PTGFRN: variants seen among roughly 807,000 people sequenced by gnomAD.
The protein encoded by PTGFRN is prostaglandin F2 receptor inhibitor, also known as prostaglandin F2 receptor negative regulator.
A neutral mutation model predicts 83.2 loss-of-function variants in PTGFRN; 35 were observed. That is an observed-to-expected ratio of 0.42 (90% CI 0.32 to 0.56). PTGFRN has a LOEUF of 0.56. Ranked by LOEUF, PTGFRN falls within the 20% of genes least tolerant of loss-of-function variation. The probability of loss-of-function intolerance (pLI) is 0.11; values close to 1 mark genes in which losing one functional copy is unlikely to be tolerated. For missense variants in PTGFRN, 1,051 were observed against 1,179.5 expected (o/e 0.89, Z 1.60); for synonymous variants, 519 against 498.6 (o/e 1.04, Z -0.55).
Position 116,910,122 on chromosome 1 carries a change from A to G in PTGFRN, c.-82A>G. 1 of 1,434,050 alleles carries G rather than the reference A, an allele frequency of 7.0e-7. No individual in the cohort carries two copies. The highest frequency in any genetic ancestry group is 1.5e-5 in the African/African-American group (1 of 68,628). 88.8% of individuals were successfully genotyped at this position (1,434,050 alleles called of 1,614,324 possible). Reference sequence around the variant, plus strand: ...CCAGGCGGAGGAGCGCCGACTCTGGAGCAGCCGGAGCTGGAAGAGGAGGAG... The same window carrying G: ...CCAGGCGGAGGAGCGCCGACTCTGGGGCAGCCGGAGCTGGAAGAGGAGGAG... On this transcript the variant is annotated 5_prime_UTR_variant, in exon 1 of 9. Transcript: ENST00000393203.
intron 1 of PTGFRN, among the ~76,000 whole-genome samples, chr1:116,929,760 A>G (rs1239730565): frequency 6.6e-6 from 1 of 152,162 alleles, no homozygotes; most frequent in Non-Finnish European, 1.5e-5. Context: ...GTTTTCTTGC[A>G]GGCAGGGACT....
chr1:116,936,239 A>G (rs932669727), intron 1 of PTGFRN, among the ~76,000 whole-genome samples: 1 of 90,298 alleles, frequency 1.1e-5, no homozygotes, highest in East Asian at 5.8e-4. Context: ...ATTAGCTGTT[A>G]TTTAACAATA....
In PTGFRN at chr1:116,975,034, C is replaced by T. The variant is rs569471881; in HGVS notation, c.2167+711C>T. The stretch of plus-strand genomic sequence containing the variant: ...TTGGGTCACTCCCACCCTAATACTG[C>T]GCTTTTCCTATGGTCTTAGCAAACG... On this transcript the variant is annotated intron_variant, in intron 7 of 8. Coordinates refer to ENST00000393203, the MANE Select transcript of PTGFRN (RefSeq NM_020440.4). 8.5e-5 allele frequency among the ~76,000 whole-genome samples: 13 copies of T among 152,334 alleles called. No homozygotes were observed. In the East Asian group the frequency reaches 1.5e-3, roughly 18 times the overall value.
chr1:116,984,599 G>A (rs548179370), intron 7 of PTGFRN, 81 bp from the exon 8 acceptor site: 4 of 1,355,214 alleles, frequency 3.0e-6, no homozygotes, highest in South Asian at 2.7e-5. Flanking sequence ...TACGTAGTAA[G>A]GGCCTCATAC....
chr1:116,926,945 C>T (rs1048259828), intron 1 of PTGFRN, among the ~76,000 whole-genome samples: 5 of 152,060 alleles, frequency 3.3e-5, no homozygotes, highest in Non-Finnish European at 7.4e-5. Flanking sequence ...CAAGTTGAAG[C>T]GTGAAGAGGA....
intron 1 of PTGFRN, among the ~76,000 whole-genome samples, chr1:116,914,713 C>T (rs1275491206): frequency 6.6e-6 from 1 of 151,424 alleles, no homozygotes; most frequent in Non-Finnish European, 1.5e-5. Context: ...GTGATCGCAC[C>T]ACTGCACTCC....
intron 1 of PTGFRN, among the ~76,000 whole-genome samples, chr1:116,910,533 G>T (rs925904948): frequency 6.6e-6 from 1 of 152,028 alleles, no homozygotes; most frequent in African/African-American, 2.4e-5. Flanking sequence ...GTGGCCCGGG[G>T]CCGTCTTTCC....
intron 3 of PTGFRN, among the ~76,000 whole-genome samples, chr1:116,948,280 A>C (rs1306816308): frequency 1.3e-5 from 2 of 152,220 alleles, no homozygotes; most frequent in Non-Finnish European, 2.9e-5. Context: ...TTTCCATGTG[A>C]AAGCTTTGAC....
chr1:116,934,129 TTTGTTTTGTTTTTGTGA>T (rs1479632692), intron 1 of PTGFRN, among the ~76,000 whole-genome samples: 2 of 152,116 alleles, frequency 1.3e-5, no homozygotes, highest in African/African-American at 4.8e-5. Flanking sequence ...TTTGTTTTAT[TTTGTTTTGTTTTTGTGA>T]TTGTTTTGTT....
intron 1 of PTGFRN, among the ~76,000 whole-genome samples, chr1:116,914,857 C>T (rs367931729): frequency 2.9e-5 from 3 of 102,634 alleles, no homozygotes; most frequent in Non-Finnish European, 2.7e-5. Flanking sequence ...GTTTTTTTTT[C>T]CTCATAGCTT....
At position 116,923,390 on chromosome 1, in the gene PTGFRN, T is replaced by A. The variant is rs148490450; in HGVS notation, c.49+13138T>A. Among the ~76,000 whole-genome samples, 54 of 152,302 alleles carry A rather than the reference T, an allele frequency of 3.5e-4. No homozygotes were observed. The East Asian group carries it at 8.9e-3, about 25-fold the overall frequency. On this transcript the variant is annotated intron_variant, in intron 1 of 8. Coordinates refer to ENST00000393203, the MANE Select transcript of PTGFRN (RefSeq NM_020440.4). This position sits in a 1 kb window ranked among gnomAD's most constrained non-coding sequence, Gnocchi z 4.0. The stretch of plus-strand genomic sequence containing the variant: ...TGTGACTTCATTTCTAAGACAGGTT[T>A]TTGTGGTAGAGTAGGAAAAAATGAA...
At position 116,961,796 on chromosome 1, in the gene PTGFRN, C is replaced by A; in HGVS notation, c.1639+128C>A. The A allele has an allele frequency of 3.2e-6, 3 of 928,188 alleles. No homozygotes were observed. Among genetic ancestry groups the A allele is most frequent in the Non-Finnish European group, 4.8e-6 (3 of 631,086 alleles). The allele number at this position is 928,188 out of a possible 1,614,324, so 57.5% of individuals were successfully genotyped here. On this transcript the variant is annotated intron_variant, in intron 5 of 8. Transcript: ENST00000393203. The surrounding 1 kb of genome is among the most constrained non-coding windows in gnomAD (Gnocchi z 5.4). ...AGGAATGTGTGTCCTGGACATTGAT[C>A]GCCATGCGACCCGTTGCACATGCTC...
chr1:116,943,466 T>C (rs1321175235), intron 2 of PTGFRN, among the ~76,000 whole-genome samples: 3 of 152,212 alleles, frequency 2.0e-5, no homozygotes, highest in Non-Finnish European at 4.4e-5. Context: ...CTGCTGTCTT[T>C]GGAAGGCAGG....
intron 1 of PTGFRN, among the ~76,000 whole-genome samples, chr1:116,922,126 G>A (rs763115464): frequency 1.3e-5 from 2 of 152,108 alleles, no homozygotes; most frequent in African/African-American, 2.4e-5. Context: ...CATCACCAGC[G>A]CCCACAGAGC....
At chr1:116,972,333 T>G (rs2101083817) in intron 6 of PTGFRN, among the ~76,000 whole-genome samples, 1 of 152,328 alleles carries the variant, frequency 6.6e-6, no homozygotes, top group Non-Finnish European at 1.5e-5. Context: ...GTTCCCTGAA[T>G]AATCAGAACT....
At position 116,944,553 on chromosome 1, in the gene PTGFRN, C is replaced by A. The variant is rs1205117884; in HGVS notation, c.419-126C>A. Reference sequence around the variant, plus strand: ...TTACAGATGAATCCAGTTGGGAAAACGTGCCCATCCGGGTCTTGGAATGGG... The same window carrying A: ...TTACAGATGAATCCAGTTGGGAAAAAGTGCCCATCCGGGTCTTGGAATGGG... On this transcript the variant is annotated intron_variant, in intron 2 of 8. Coordinates refer to ENST00000393203, the MANE Select transcript of PTGFRN (RefSeq NM_020440.4). 5.2e-6 allele frequency: 5 copies of A among 964,148 alleles called. No homozygotes were observed. In the East Asian group the frequency reaches 1.7e-4, roughly 33 times the overall value. The allele number at this position is 964,148 out of a possible 1,614,324, so 59.7% of individuals were successfully genotyped here.
Position 116,909,975 on chromosome 1 carries a change from G to C in PTGFRN, c.-229G>C, listed in dbSNP as rs1230810516. The C allele has an allele frequency of 3.5e-6, 2 of 566,646 alleles. No homozygotes were observed. The highest frequency in any genetic ancestry group is 3.1e-6 in the Non-Finnish European group (1 of 321,208). 35.1% of individuals were successfully genotyped at this position (566,646 alleles called of 1,614,324 possible). On this transcript the variant is annotated 5_prime_UTR_variant, in exon 1 of 9. Coordinates refer to ENST00000393203, the MANE Select transcript of PTGFRN (RefSeq NM_020440.4). ...ACTCGGATCGGCGGGGCCGGCTCCC[G>C]GGCCCGGCCGGCTGGAGGAGGGAGG...
intron 1 of PTGFRN, among the ~76,000 whole-genome samples, chr1:116,931,498 T>C (rs1465187876): frequency 9.3e-6 from 1 of 107,942 alleles, no homozygotes; most frequent in Non-Finnish European, 1.7e-5. Flanking sequence ...AACTTTTTCT[T>C]TTTTTTTTTT....
In PTGFRN at chr1:116,918,492, T is replaced by G. The variant is rs1649461289; in HGVS notation, c.49+8240T>G. Among the ~76,000 whole-genome samples, 1 of 152,176 alleles carries G rather than the reference T, an allele frequency of 6.6e-6. No homozygotes were observed. Among genetic ancestry groups the G allele is most frequent in the Admixed American group, 6.5e-5 (1 of 15,276 alleles). On this transcript the variant is annotated intron_variant, in intron 1 of 8. Coordinates refer to ENST00000393203, the MANE Select transcript of PTGFRN (RefSeq NM_020440.4). The surrounding 1 kb of genome is among the most constrained non-coding windows in gnomAD (Gnocchi z 4.1). ...CCTGGGGGAATCTCAGGTCCAAACT[T>G]GTGAATCAAAGTTTGTATTTGAACA...
Sources: gnomAD v4.1 joint callset for allele counts (sites outside exome capture counted in the v4.1 genomes callset) on GRCh38, gnomAD v4.1.1 for gene constraint, Gnocchi (gnomAD v3.1) non-coding constraint, MANE v1.5 for transcripts, NCBI Gene and HGNC (gene_info 2026-07-23, HGNC 2026-07-21) for gene names.